Variants in FER observed in about 807,000 individuals in gnomAD.
FER encodes the protein tyrosine-protein kinase Fer.
Under a neutral mutation model 111.0 loss-of-function variants are expected in FER, and 63 were observed. That is an observed-to-expected ratio of 0.57 (90% CI 0.46 to 0.70). The LOEUF is 0.70. Among genes scored for constraint, FER ranks in the 30% least tolerant of loss-of-function variants. The pLI is 0.00. For synonymous variants in FER, 327 were observed against 313.9 expected (o/e 1.04, Z -0.44); for missense variants, 914 against 954.0 (o/e 0.96, Z 0.55).
At chr5:108,951,658 T>G (rs1757769165) in intron 11 of FER, among the ~76,000 whole-genome samples, 1 of 152,194 alleles carries the variant, frequency 6.6e-6, no homozygotes, top group Non-Finnish European at 1.5e-5. Flanking sequence ...TGTTGAAGTT[T>G]TATTTAGGTT....
intron 17 of FER, among the ~76,000 whole-genome samples, chr5:109,110,641 A>G (rs1749496881): frequency 6.6e-6 from 1 of 151,988 alleles, no homozygotes; most frequent in South Asian, 2.1e-4. Context: ...TCTTTTTTAT[A>G]TATTTTTTAA....
At chr5:109,038,976 A>G (rs1581752958) in intron 14 of FER, among the ~76,000 whole-genome samples, 1 of 152,088 alleles carries the variant, frequency 6.6e-6, no homozygotes, top group East Asian at 1.9e-4. Flanking sequence ...TGTCAGTCTT[A>G]ATGAATTTAT....
At chr5:108,768,549 A>G (rs1245881774) in intron 2 of FER, among the ~76,000 whole-genome samples, 1 of 152,212 alleles carries the variant, frequency 6.6e-6, no homozygotes, top group African/African-American at 2.4e-5. Context: ...ACCAAACTGA[A>G]CATATCATAT....
chr5:109,192,265 C>G lies in FER; in HGVS notation c.*4690C>G, dbSNP rs1229625989. ...TATTCCAAGGCAGGATGATGCACCC[C>G]CACACAGAGTGTGGAAAAATTAAAG... On this transcript the variant is annotated 3_prime_UTR_variant, in exon 20 of 20. Transcript: ENST00000281092. 4 of 152,158 alleles carry G rather than the reference C, an allele frequency of 2.6e-5. No homozygotes were observed. The highest frequency in any genetic ancestry group is 4.4e-5 in the Non-Finnish European group (3 of 68,030). 9.4% of individuals were successfully genotyped at this position (152,158 alleles called of 1,614,324 possible). A position where few individuals can be genotyped will look rare whatever the true frequency, so the allele number is the denominator to read the frequency against.
In FER at chr5:109,078,971, C is replaced by G. The variant is rs116423288; in HGVS notation, c.1925-21425C>G. Among the ~76,000 whole-genome samples the G allele has an allele frequency of 9.8e-3, 1,493 of 152,222 alleles. 19 individuals are homozygous for G. Among genetic ancestry groups the G allele is most frequent in the African/African-American group, 0.034 (1,417 of 41,526 alleles). ...AGAAGAGAACGTATGACATTGCATT[C>G]ACTTCTATTTGTTCTCGTGTATCTG... On this transcript the variant is annotated intron_variant, in intron 16 of 19. Transcript: ENST00000281092.
chr5:109,139,503 G>T (rs1003664921), intron 17 of FER, among the ~76,000 whole-genome samples: 4 of 151,810 alleles, frequency 2.6e-5, no homozygotes, highest in African/African-American at 7.3e-5. Context: ...ATTGCTAAAA[G>T]ATAGCAGTTT....
intron 13 of FER, among the ~76,000 whole-genome samples, chr5:108,975,134 C>T (rs1761162946): frequency 6.6e-6 from 1 of 152,144 alleles, no homozygotes; most frequent in African/African-American, 2.4e-5. Flanking sequence ...CCATCATTCT[C>T]AGCAAACTAA....
At chr5:108,913,420 C>T (rs2150363089) in intron 10 of FER, among the ~76,000 whole-genome samples, 1 of 152,208 alleles carries the variant, frequency 6.6e-6, no homozygotes, top group East Asian at 1.9e-4. Flanking sequence ...AAGTAATAAA[C>T]TCATAATTCT....
chr5:109,151,982 A>C (rs1561962226), intron 17 of FER, among the ~76,000 whole-genome samples: 1 of 152,138 alleles, frequency 6.6e-6, no homozygotes, highest in Non-Finnish European at 1.5e-5. Flanking sequence ...CAGTTTGTAC[A>C]GCATTTCTGA....
chr5:109,087,865 A>G (rs1299952042), intron 16 of FER, among the ~76,000 whole-genome samples: 1 of 151,940 alleles, frequency 6.6e-6, no homozygotes, highest in African/African-American at 2.4e-5. Flanking sequence ...TTTACAGAAT[A>G]TAGTAATTAT....
At chr5:109,095,604 A>G (rs1747408382) in intron 16 of FER, among the ~76,000 whole-genome samples, 2 of 151,992 alleles carry the variant, frequency 1.3e-5, no homozygotes, top group Admixed American at 1.3e-4. Context: ...ATTGTATGAA[A>G]TCTATTCTGT....
intron 10 of FER, among the ~76,000 whole-genome samples, chr5:108,915,409 A>T (rs1486080500): frequency 1.3e-5 from 2 of 152,162 alleles, no homozygotes; most frequent in East Asian, 1.9e-4. Flanking sequence ...GAGGCAGAGG[A>T]TGCATGAGCC....
intron 1 of FER, among the ~76,000 whole-genome samples, chr5:108,763,553 G>A (rs1220416604): frequency 6.6e-6 from 1 of 152,218 alleles, no homozygotes; most frequent in East Asian, 1.9e-4. Flanking sequence ...CCAGAGGAGA[G>A]GGAGAAGGTA....
intron 11 of FER, among the ~76,000 whole-genome samples, chr5:108,947,745 G>A (rs1757173711): frequency 1.3e-5 from 2 of 151,018 alleles, no homozygotes; most frequent in African/African-American, 2.4e-5. Flanking sequence ...AAAAAAAATC[G>A]TCTAATCCAA....
At chr5:108,793,527 G>T (rs947704136) in intron 2 of FER, among the ~76,000 whole-genome samples, 2 of 133,874 alleles carry the variant, frequency 1.5e-5, no homozygotes, top group African/African-American at 3.0e-5. Flanking sequence ...GGCGGGGGGG[G>T]TGGTTATATA....
chr5:109,079,490 T>A (rs1030128876), intron 16 of FER, among the ~76,000 whole-genome samples: 52 of 152,276 alleles, frequency 3.4e-4, no homozygotes, highest in Admixed American at 2.2e-3. Flanking sequence ...TGGTGCCATA[T>A]TAGACCATAT....
At chr5:109,175,006 A>C (rs62376770) in intron 17 of FER, among the ~76,000 whole-genome samples, 1 of 137,438 alleles carries the variant, frequency 7.3e-6, no homozygotes, top group Non-Finnish European at 1.6e-5. Context: ...AAGTACAGTA[A>C]TTTCTGAGTG....
intron 1 of FER, among the ~76,000 whole-genome samples, chr5:108,767,197 A>C (rs1251485617): frequency 2.0e-5 from 3 of 152,118 alleles, no homozygotes; most frequent in Admixed American, 2.0e-4. Flanking sequence ...CCAGATACTC[A>C]GGAGCCTGAG....
chr5:108,750,607 A>G (rs1750372608), intron 1 of FER, among the ~76,000 whole-genome samples: 1 of 152,244 alleles, frequency 6.6e-6, no homozygotes, highest in Non-Finnish European at 1.5e-5. Flanking sequence ...AAGTTGTTGC[A>G]GCTTCTGCAC....
Sources: allele counts gnomAD v4.1 joint callset (sites outside exome capture counted in the v4.1 genomes callset), GRCh38; gene constraint gnomAD v4.1.1; transcripts MANE v1.5; gene names NCBI Gene and HGNC (gene_info 2026-07-23, HGNC 2026-07-21).